The following MIGA1 variants were observed in gnomAD, a reference collection of about 807,000 sequenced individuals.
MIGA1 encodes mitoguardin 1.
In MIGA1, 58 loss-of-function variants were observed where a neutral mutation model predicts 82.0. The observed-to-expected ratio is 0.71, with a 90% CI of 0.57 to 0.88. MIGA1 has a LOEUF of 0.88. Ranked by LOEUF, MIGA1 falls within the 40% of genes least tolerant of loss-of-function variation. The probability of loss-of-function intolerance (pLI) is 0.00; values close to 1 mark genes in which losing one functional copy is unlikely to be tolerated. For synonymous variants in MIGA1, 249 were observed against 253.6 expected (o/e 0.98, Z 0.17); for missense variants, 751 against 749.1 (o/e 1.00, Z -0.03).
Position 77,878,844 on chromosome 1 carries a change from A to G in MIGA1, c.*3780A>G, listed in dbSNP as rs1200090080. 1 of 379,354 alleles carries G rather than the reference A, an allele frequency of 2.6e-6. No homozygotes were observed. The highest frequency in any genetic ancestry group is 4.7e-6 in the Non-Finnish European group (1 of 212,772). 23.5% of individuals were successfully genotyped at this position (379,354 alleles called of 1,614,324 possible). On this transcript the variant is annotated 3_prime_UTR_variant, in exon 16 of 16. Transcript: ENST00000370791. Reference sequence around the variant, plus strand: ...CATACTGTCACAGTAAGCTCCAAAGAACTTTGTCTTTCTCATAAAGTAATA... The same window carrying G: ...CATACTGTCACAGTAAGCTCCAAAGGACTTTGTCTTTCTCATAAAGTAATA...
chr1:77,783,357 T>A lies in MIGA1; in HGVS notation c.195+6T>A. On this transcript the variant is annotated splice_donor_region_variant and intron_variant, in intron 2 of 15. Coordinates refer to ENST00000370791, the MANE Select transcript of MIGA1 (RefSeq NM_198549.4). ...GGTACTATTCTCTCTCCCAGGTAAA[T>A]AAAAGAAGCAAACAGGAAGTTGAAT... 6.6e-7 allele frequency: 1 copy of A among 1,514,790 alleles called. No individual in the cohort carries two copies. The highest frequency in any genetic ancestry group is 9.1e-7 in the Non-Finnish European group (1 of 1,103,556). 93.8% of individuals were successfully genotyped at this position (1,514,790 alleles called of 1,614,324 possible).
At position 77,875,251 on chromosome 1, in the gene MIGA1, G is replaced by A; in HGVS notation, c.*187G>A. ...AGTTCTGTCATTGAATTCCTGTGTA[G>A]TGTAGTCATAGTGGCTTTTTGCATT... On this transcript the variant is annotated 3_prime_UTR_variant, in exon 16 of 16. Transcript: ENST00000370791. 1 of 542,046 alleles carries A rather than the reference G, an allele frequency of 1.8e-6. No homozygotes were observed. Among genetic ancestry groups the A allele is most frequent in the Non-Finnish European group, 3.3e-6 (1 of 307,278 alleles). The allele number at this position is 542,046 out of a possible 1,614,324, so 33.6% of individuals were successfully genotyped here. A position where few individuals can be genotyped will look rare whatever the true frequency, so the allele number is the denominator to read the frequency against.
chr1:77,834,760 C>T (rs573932915), intron 7 of MIGA1, among the ~76,000 whole-genome samples: 2 of 152,264 alleles, frequency 1.3e-5, no homozygotes, highest in East Asian at 3.9e-4. Flanking sequence ...ATTATTTAAA[C>T]AAATTATAAC....
Position 77,786,580 on chromosome 1 carries a change from C to T in MIGA1, c.195+3229C>T, listed in dbSNP as rs1682172990. Among the ~76,000 whole-genome samples the T allele has an allele frequency of 2.0e-5, 3 of 152,326 alleles. No homozygotes were observed. The South Asian group carries it at 6.2e-4, about 32-fold the overall frequency. ...TCTTCTGCTAGATACCCTAAATCAT[C>T]TCTCTCAAGTTCAATGTTTCACAGA... On this transcript the variant is annotated intron_variant, in intron 2 of 15. Transcript: ENST00000370791.
intron 14 of MIGA1, chr1:77,868,341 C>T (rs1024152554): frequency 1.3e-5 from 2 of 152,244 alleles, no homozygotes; most frequent in African/African-American, 4.8e-5. Flanking sequence ...ATTCTTCTGC[C>T]TCAGCCTTTC....
intron 8 of MIGA1, chr1:77,847,884 G>A (rs1397660127): frequency 6.4e-7 from 1 of 1,556,100 alleles, no homozygotes; most frequent in African/African-American, 1.4e-5. Context: ...CAGTGACTTT[G>A]ATGCTAAGAG....
intron 4 of MIGA1, 90 bp from the exon 5 acceptor site, chr1:77,806,885 G>T (rs1245661686): frequency 1.8e-5 from 16 of 896,798 alleles, no homozygotes; most frequent in Admixed American, 2.6e-5. Context: ...ACCACTAATA[G>T]GATTTATAAA....
intron 1 of MIGA1, among the ~76,000 whole-genome samples, chr1:77,780,620 C>T (rs548626297): frequency 1.3e-5 from 2 of 152,160 alleles, no homozygotes; most frequent in Admixed American, 1.3e-4. Flanking sequence ...TTTTAATTCC[C>T]CAGTAGTTGG....
chr1:77,794,599 G>T (rs904265810), intron 2 of MIGA1, among the ~76,000 whole-genome samples: 1 of 152,166 alleles, frequency 6.6e-6, no homozygotes, highest in African/African-American at 2.4e-5. Context: ...CACTGGTCAG[G>T]CATGGTGTCT....
chr1:77,865,137 C>CT (rs766912801), intron 13 of MIGA1, among the ~76,000 whole-genome samples: 157 of 141,924 alleles, frequency 1.1e-3, no homozygotes, highest in South Asian at 1.6e-3. Context: ...ATTTTTCTTT[C>CT]TTTTTTTTTT....
intron 8 of MIGA1, among the ~76,000 whole-genome samples, chr1:77,844,305 CAAT>C (rs1684757533): frequency 6.6e-6 from 1 of 150,562 alleles, no homozygotes; most frequent in Non-Finnish European, 1.5e-5. Flanking sequence ...AACATGTTTC[CAAT>C]AATTTTAATG....
chr1:77,783,172 A>G, intron 1 of MIGA1, 66 bp from the exon 2 acceptor site: 1 of 1,094,880 alleles, frequency 9.1e-7, no homozygotes, highest in Non-Finnish European at 1.3e-6. Flanking sequence ...TTCAGTTTGT[A>G]CCTTTCATTG....
chr1:77,809,107 A>AAACAAC (rs202191692), intron 5 of MIGA1, among the ~76,000 whole-genome samples: 55 of 151,582 alleles, frequency 3.6e-4, no homozygotes, highest in East Asian at 1.9e-3. Flanking sequence ...CGTTTTCTTA[A>AAACAAC]AACAACAACA....
intron 5 of MIGA1, chr1:77,811,690 G>A (rs202189174): frequency 2.4e-5 from 39 of 1,611,552 alleles, no homozygotes; most frequent in Middle Eastern, 2.2e-4. Context: ...CTCGTCTATC[G>A]CCTCCACCAG....
In MIGA1 at chr1:77,803,405, C is replaced by T; in HGVS notation, c.509C>T (p.Ser170Phe). The change falls in exon 4 of 16, where the codon TCT becomes TTT. Residue 170 changes from serine (S) to phenylalanine (F), a missense_variant and splice_region_variant. Around this residue, in one of 3 missense-constraint regions of MIGA1, gnomAD observed 482 missense variants for 439.4 expected, o/e 1.10. Coordinates refer to ENST00000370791, the MANE Select transcript of MIGA1 (RefSeq NM_198549.4). ...TCAGGTTCTGCACAGAGTTTGGCCT[C>T]TGTAAGTACAGAAAAAATATTAATT... is the stretch of plus-strand genomic sequence containing the variant. 6.8e-7 allele frequency: 1 copy of T among 1,478,358 alleles called. No homozygotes were observed. The highest frequency in any genetic ancestry group is 1.4e-5 in the African/African-American group (1 of 69,286). The allele number at this position is 1,478,358 out of a possible 1,614,324, so 91.6% of individuals were successfully genotyped here.
intron 14 of MIGA1, among the ~76,000 whole-genome samples, chr1:77,869,369 G>T (rs910606915): frequency 3.4e-5 from 5 of 148,870 alleles, no homozygotes; most frequent in African/African-American, 1.2e-4. Context: ...GCAACCATCC[G>T]ATTTCTCAAT....
intron 1 of MIGA1, among the ~76,000 whole-genome samples, chr1:77,782,618 C>T (rs1345890512): frequency 6.6e-6 from 1 of 152,218 alleles, no homozygotes; most frequent in Non-Finnish European, 1.5e-5. Context: ...GTGTCAACTG[C>T]TTCTCTGTAC....
intron 2 of MIGA1, among the ~76,000 whole-genome samples, chr1:77,796,519 C>G (rs985640632): frequency 6.6e-6 from 1 of 151,770 alleles, no homozygotes; most frequent in African/African-American, 2.4e-5. Context: ...AACCCCTGGG[C>G]TCAACTTATT....
chr1:77,837,712 GTGTT>G (rs1684484562), intron 7 of MIGA1, among the ~76,000 whole-genome samples: 2 of 152,086 alleles, frequency 1.3e-5, no homozygotes, highest in African/African-American at 4.8e-5. Context: ...CTTCTTGAAA[GTGTT>G]TGGTTATCCC....
Sources: gnomAD v4.1 joint callset for allele counts (sites outside exome capture counted in the v4.1 genomes callset) on GRCh38, gnomAD v4.1.1 for gene constraint, gnomAD v4.1.1 regional missense constraint, MANE v1.5 for transcripts, NCBI Gene and HGNC (gene_info 2026-07-23, HGNC 2026-07-21) for gene names.